The following MAP3K1 variants were observed in gnomAD, a reference collection of about 807,000 sequenced individuals.
MAP3K1 encodes MAP/ERK kinase kinase 1.
In MAP3K1, 36 loss-of-function variants were observed where a neutral mutation model predicts 144.2. The observed-to-expected ratio is 0.25, with a 90% CI of 0.19 to 0.33. MAP3K1 has a LOEUF of 0.33. Ranked by LOEUF, MAP3K1 falls within the 10% of genes least tolerant of loss-of-function variation. The probability of loss-of-function intolerance (pLI) is 1.00; values close to 1 mark genes in which losing one functional copy is unlikely to be tolerated. For missense variants in MAP3K1, 1,650 were observed against 1,881.9 expected (o/e 0.88, Z 2.28); for synonymous variants, 718 against 688.7 (o/e 1.04, Z -0.67).
intron 14 of MAP3K1, 69 bp from the exon 15 acceptor site, chr5:56,883,458 T>C (rs1748288157): frequency 8.9e-6 from 13 of 1,452,956 alleles, no homozygotes; most frequent in Middle Eastern, 1.7e-4. Flanking sequence ...AAGAATAATA[T>C]CTTGCAGACT....
At chr5:56,889,300 C>CT (rs138977999) in intron 19 of MAP3K1, among the ~76,000 whole-genome samples, 12,914 of 152,156 alleles carry the variant, frequency 0.085, 1,026 homozygotes, top group East Asian at 0.35. Context: ...TCCCAGGTAG[C>CT]TGAGACTACA....
At chr5:56,877,546 G>T (rs1032451962) in intron 10 of MAP3K1, among the ~76,000 whole-genome samples, 8 of 132,022 alleles carry the variant, frequency 6.1e-5, no homozygotes, top group Non-Finnish European at 1.3e-4. Context: ...TTGCTGAATC[G>T]TTTGAGAGTT....
chr5:56,885,908 A>G (rs971398367), intron 16 of MAP3K1, 24 bp from the exon 17 acceptor site: 2 of 1,607,430 alleles, frequency 1.2e-6, no homozygotes, highest in South Asian at 1.1e-5. Context: ...TAAGTTTATG[A>G]TAATTATTTC....
chr5:56,868,820 T>TC (rs1747762576), intron 6 of MAP3K1, among the ~76,000 whole-genome samples: 3 of 152,060 alleles, frequency 2.0e-5, no homozygotes, highest in African/African-American at 4.8e-5. Context: ...AACCCAGGTG[T>TC]CCATCAATAA....
intron 1 of MAP3K1, among the ~76,000 whole-genome samples, chr5:56,843,953 AG>A (rs1188334142): frequency 6.6e-6 from 1 of 152,152 alleles, no homozygotes; most frequent in Non-Finnish European, 1.5e-5. Context: ...GTATGTTCCA[AG>A]GAACACTGCG....
chr5:56,880,425 T>C (rs1021300969), intron 11 of MAP3K1, among the ~76,000 whole-genome samples: 1 of 152,186 alleles, frequency 6.6e-6, no homozygotes, highest in African/African-American at 2.4e-5. Flanking sequence ...TTTAACAAAA[T>C]ATAAGACTTT....
chr5:56,873,923 T>C (rs921096655), intron 9 of MAP3K1, among the ~76,000 whole-genome samples: 13 of 152,150 alleles, frequency 8.5e-5, no homozygotes, highest in African/African-American at 2.4e-5. Flanking sequence ...TTAATGAACA[T>C]AGGCCCTCAC....
At chr5:56,839,390 T>C (rs755028418) in intron 1 of MAP3K1, among the ~76,000 whole-genome samples, 2 of 152,232 alleles carry the variant, frequency 1.3e-5, no homozygotes, top group Non-Finnish European at 2.9e-5. Flanking sequence ...GTGGACTGTA[T>C]GCTAAATTGA....
intron 1 of MAP3K1, among the ~76,000 whole-genome samples, chr5:56,840,354 GC>G (rs1746776057): frequency 6.6e-6 from 1 of 152,006 alleles, no homozygotes; most frequent in Non-Finnish European, 1.5e-5. Flanking sequence ...CACCATGTTG[GC>G]CAGGCTGGTC....
intron 6 of MAP3K1, among the ~76,000 whole-genome samples, chr5:56,868,895 G>C (rs1747765910): frequency 6.6e-6 from 1 of 152,096 alleles, no homozygotes; most frequent in African/African-American, 2.4e-5. Flanking sequence ...AAGGAAGGAA[G>C]TGTGCTACAA....
chr5:56,829,891 A>G (rs1173508266), intron 1 of MAP3K1, among the ~76,000 whole-genome samples: 1 of 152,210 alleles, frequency 6.6e-6, no homozygotes, highest in East Asian at 1.9e-4. Flanking sequence ...AGTGGATAGT[A>G]GGACATTCCC....
intron 3 of MAP3K1, among the ~76,000 whole-genome samples, chr5:56,864,102 A>G (rs981285394): frequency 6.6e-6 from 1 of 152,180 alleles, no homozygotes; most frequent in Non-Finnish European, 1.5e-5. Context: ...TGCTTATGAT[A>G]TATACTTTCT....
intron 19 of MAP3K1, among the ~76,000 whole-genome samples, chr5:56,888,933 T>G (rs543530328): frequency 4.6e-5 from 7 of 152,378 alleles, no homozygotes; most frequent in Non-Finnish European, 7.3e-5. Flanking sequence ...TTGTCAATGT[T>G]AGTGACATAC....
intron 19 of MAP3K1, among the ~76,000 whole-genome samples, chr5:56,890,458 C>A (rs750176823): frequency 1.3e-5 from 2 of 152,176 alleles, no homozygotes; most frequent in African/African-American, 4.8e-5. Flanking sequence ...TCAAACACTT[C>A]CATACCCTGT....
At chr5:56,819,660 T>C (rs1377528638) in intron 1 of MAP3K1, among the ~76,000 whole-genome samples, 4 of 152,178 alleles carry the variant, frequency 2.6e-5, no homozygotes, top group African/African-American at 9.7e-5. Flanking sequence ...GGGCTGTCTG[T>C]TACACAGAAG....
At chr5:56,884,866 A>G (rs1424399530) in intron 16 of MAP3K1, 40 bp downstream of exon 16, 7 of 1,580,034 alleles carry the variant, frequency 4.4e-6, no homozygotes, top group African/African-American at 1.3e-5. Flanking sequence ...TAGTACGTGG[A>G]TTTAACTTTC....
intron 2 of MAP3K1, among the ~76,000 whole-genome samples, chr5:56,859,065 TAAA>T (rs34494768): frequency 1.2e-4 from 15 of 125,526 alleles, no homozygotes; most frequent in Admixed American, 1.6e-4. Context: ...AAGCCTTAAT[TAAA>T]AAAAAAAAAA....
chr5:56,841,202 T>TAA (rs3076543), intron 1 of MAP3K1, among the ~76,000 whole-genome samples: 66,221 of 147,354 alleles, frequency 0.45, 17,715 homozygotes, highest in Non-Finnish European at 0.62. Flanking sequence ...CTTATTGATT[T>TAA]AAAAAAAAAA....
At chr5:56,838,678 C>A (rs747792999) in intron 1 of MAP3K1, among the ~76,000 whole-genome samples, 2 of 152,104 alleles carry the variant, frequency 1.3e-5, no homozygotes, top group South Asian at 2.1e-4. Flanking sequence ...CCATTCAATT[C>A]GAAGAATCTT....
Sources: allele counts gnomAD v4.1 joint callset (sites outside exome capture counted in the v4.1 genomes callset), GRCh38; gene constraint gnomAD v4.1.1; transcripts MANE v1.5; gene names NCBI Gene and HGNC (gene_info 2026-07-23, HGNC 2026-07-21).